SSX2IP: variants seen among roughly 807,000 people sequenced by gnomAD.
SSX2IP encodes the protein afadin- and alpha-actinin-binding protein.
SSX2IP carries 55 observed loss-of-function variants against 84.9 expected under a neutral mutation model. The observed-to-expected ratio is 0.65, with a 90% CI of 0.52 to 0.81. The LOEUF (loss-of-function observed/expected upper bound fraction) is 0.81, where lower values mean the gene tolerates loss of function less well. SSX2IP is among the 30% of genes least tolerant of loss of function. The probability of loss-of-function intolerance (pLI) is 0.00; values close to 1 mark genes in which losing one functional copy is unlikely to be tolerated. For synonymous variants in SSX2IP, 239 were observed against 234.7 expected, an observed-to-expected ratio of 1.02 and a Z score of -0.17; for missense variants, 664 against 705.2, an observed-to-expected ratio of 0.94 and a Z score of 0.66.
chr1:84,655,588 T>C, intron 11 of SSX2IP: 5 of 1,447,396 alleles, frequency 3.5e-6, no homozygotes, highest in Non-Finnish European at 4.6e-6. Context: ...AGAAAGCCAA[T>C]CTGAAAGCAG....
chr1:84,647,548 TCTC>T lies in SSX2IP; in HGVS notation c.1727_1729del (p.Gly576del), dbSNP rs1649604521. 1.9e-6 allele frequency: 3 copies of T among 1,613,336 alleles called. No homozygotes were observed. The East Asian group carries it at 6.7e-5, about 36-fold the overall frequency. On this transcript the variant is annotated inframe_deletion, in exon 14 of 14. Transcript: ENST00000342203. ...CACACTCCATTTTTGATTTGTACAT[TCTC>T]CTCCAACCTGATTTGGTTTAATTTC...
Position 84,686,599 on chromosome 1 carries a change from G to C in SSX2IP, c.-90+3772C>G, listed in dbSNP as rs530746445. ...CAAGACATCCGAGCACATTTAGATA[G>C]ATGAATTCATAAAGAAAAAAGGGGC... On this transcript the variant is annotated intron_variant, in intron 1 of 13. Transcript: ENST00000342203. Among the ~76,000 whole-genome samples, 25 of 152,234 alleles carry C rather than the reference G, an allele frequency of 1.6e-4. 1 individual carries two copies. Among genetic ancestry groups the C allele is most frequent in the African/African-American group, 6.0e-4 (25 of 41,544 alleles).
At chr1:84,650,669 T>C in intron 12 of SSX2IP, 142 bp from the exon 13 acceptor site, 1 of 928,622 alleles carries the variant, frequency 1.1e-6, no homozygotes, top group East Asian at 2.4e-5. Flanking sequence ...TCATTAATCT[T>C]GCTTATCTTT....
intron 1 of SSX2IP, among the ~76,000 whole-genome samples, chr1:84,679,883 G>GAGCT (rs1232081205): frequency 1.3e-5 from 2 of 152,300 alleles, no homozygotes; most frequent in Non-Finnish European, 2.9e-5. Flanking sequence ...CAAGGTCACA[G>GAGCT]AGCTAGCAAG....
At chr1:84,680,941 GA>G (rs1204433480) in intron 1 of SSX2IP, among the ~76,000 whole-genome samples, 2 of 152,138 alleles carry the variant, frequency 1.3e-5, no homozygotes, top group African/African-American at 4.8e-5. Context: ...AGGAAATGGG[GA>G]TAAACAGCAC....
At chr1:84,677,365 T>C (rs1191185261) in intron 1 of SSX2IP, among the ~76,000 whole-genome samples, 2 of 152,204 alleles carry the variant, frequency 1.3e-5, no homozygotes, top group Non-Finnish European at 2.9e-5. Context: ...TTCTGGTTAA[T>C]CACATCTGTT....
chr1:84,652,471 C>T (rs11164031), intron 11 of SSX2IP: 77,504 of 147,284 alleles, frequency 0.53, 22,322 homozygotes, highest in East Asian at 0.72. Context: ...GTGGCTCATG[C>T]CTGTAATCCC....
At chr1:84,670,574 T>C (rs2102428766) in intron 3 of SSX2IP, 72 bp downstream of exon 3, 2 of 1,125,288 alleles carry the variant, frequency 1.8e-6, no homozygotes, top group Non-Finnish European at 1.2e-6. Context: ...TGACAAATGT[T>C]TTTCTCATAA....
chr1:84,676,229 G>C (rs950484115), intron 1 of SSX2IP, among the ~76,000 whole-genome samples: 14 of 152,100 alleles, frequency 9.2e-5, no homozygotes, highest in Non-Finnish European at 1.5e-5. Context: ...ATACATCAAA[G>C]CAAAAGTATA....
In SSX2IP at chr1:84,671,671, C is replaced by T. The variant is rs140448692; in HGVS notation, c.-89-363G>A. ...TAGATAAGATGATGAAAAACTTCTT[C>T]TTGGCCAGCATTTTCATTTTTGTTT... is the stretch of plus-strand genomic sequence containing the variant. On this transcript the variant is annotated intron_variant, in intron 1 of 13. Transcript: ENST00000342203. Among the ~76,000 whole-genome samples the T allele has an allele frequency of 3.0e-4, 45 of 152,260 alleles. No homozygotes were observed. In the Middle Eastern group the frequency reaches 0.01, roughly 35 times the overall value.
At chr1:84,676,961 C>T (rs755784398) in intron 1 of SSX2IP, among the ~76,000 whole-genome samples, 39 of 152,122 alleles carry the variant, frequency 2.6e-4, no homozygotes, top group African/African-American at 4.6e-4. Context: ...GTCATCTGCC[C>T]GCCTCGGACT....
intron 1 of SSX2IP, among the ~76,000 whole-genome samples, chr1:84,680,636 C>A (rs554713012): frequency 1.3e-5 from 2 of 151,696 alleles, no homozygotes; most frequent in African/African-American, 4.8e-5. Flanking sequence ...CTAATATGAG[C>A]TTATTTAGTC....
chr1:84,649,580 G>A (rs907746320), intron 13 of SSX2IP: 12 of 166,578 alleles, frequency 7.2e-5, no homozygotes, highest in Admixed American at 1.3e-4. Flanking sequence ...AACACAGGCC[G>A]AGTTTGCTTC....
chr1:84,657,368 T>C (rs1651270373), intron 9 of SSX2IP, among the ~76,000 whole-genome samples: 1 of 152,160 alleles, frequency 6.6e-6, no homozygotes, highest in South Asian at 2.1e-4. Context: ...AACTGTTAAG[T>C]GTTATATGTA....
chr1:84,686,583 C>T (rs1570752099), intron 1 of SSX2IP, among the ~76,000 whole-genome samples: 2 of 152,010 alleles, frequency 1.3e-5, no homozygotes, highest in South Asian at 4.1e-4. Flanking sequence ...ACAAGACATC[C>T]GAGCACATTT....
intron 5 of SSX2IP, 124 bp downstream of exon 5, chr1:84,665,998 A>C: frequency 1.4e-6 from 1 of 712,948 alleles, no homozygotes; most frequent in African/African-American, 1.8e-5. Context: ...CCACCATATC[A>C]ATTTGGGGAA....
In SSX2IP at chr1:84,656,433, TGTC is replaced by T; in HGVS notation, c.1127_1129del (p.Arg376del). 4.3e-6 allele frequency: 7 copies of T among 1,613,608 alleles called. No individual in the cohort carries two copies. Among genetic ancestry groups the T allele is most frequent in the Non-Finnish European group, 5.9e-6 (7 of 1,179,750 alleles). On this transcript the variant is annotated inframe_deletion, in exon 10 of 14. Transcript: ENST00000342203. ...TTTTTCAGTTTCTTGTTCATGGTCTTGTCGTGAGATTACATCTTCATCATTAAA... is the reference window on the plus strand; with the variant it reads ...TTTTTCAGTTTCTTGTTCATGGTCTTGTGAGATTACATCTTCATCATTAAA...
At chr1:84,653,873 T>TCAGA (rs35839433) in intron 11 of SSX2IP, among the ~76,000 whole-genome samples, 135,705 of 151,862 alleles carry the variant, frequency 0.89, 60,910 homozygotes, top group Non-Finnish European at 0.94. Flanking sequence ...ACAAATATTA[T>TCAGA]CAGATTAATA....
intron 1 of SSX2IP, among the ~76,000 whole-genome samples, chr1:84,676,719 C>CTTTTTTTTTTTTTTT (rs61017474): frequency 4.0e-5 from 4 of 99,460 alleles, no homozygotes; most frequent in Non-Finnish European, 5.5e-5. Context: ...TGCTCTTTTC[C>CTTTTTTTTTTTTTTT]TTTTTTTTTT....
Sources: gnomAD v4.1 joint callset for allele counts (sites outside exome capture counted in the v4.1 genomes callset) on GRCh38, gnomAD v4.1.1 for gene constraint, MANE v1.5 for transcripts, NCBI Gene and HGNC (gene_info 2026-07-23, HGNC 2026-07-21) for gene names.